The following TUBGCP6 variants were observed in gnomAD, a reference collection of about 807,000 sequenced individuals.
TUBGCP6 encodes gamma-tubulin complex component 6.
TUBGCP6 carries 161 observed loss-of-function variants against 175.8 expected under a neutral mutation model. The ratio of observed to expected loss-of-function variants is 0.92; its 90% CI spans 0.81 to 1.04. TUBGCP6 has a LOEUF of 1.04. Among genes scored for constraint, TUBGCP6 ranks in the 50% least tolerant of loss-of-function variants. The probability of loss-of-function intolerance (pLI) is 0.00; values close to 1 mark genes in which losing one functional copy is unlikely to be tolerated. For synonymous variants in TUBGCP6, 1,173 were observed against 1,030.5 expected, an observed-to-expected ratio of 1.14 and a Z score of -2.65; for missense variants, 2,572 against 2,433.0, an observed-to-expected ratio of 1.06 and a Z score of -1.20.
At chr22:50,221,928 G>A (rs561043004) in intron 15 of TUBGCP6, 54 bp from the exon 16 acceptor site, 12 of 1,561,616 alleles carry the variant, frequency 7.7e-6, no homozygotes, top group Admixed American at 3.6e-5. Context: ...CCCAGCCCTC[G>A]AACTGTCCCC....
chr22:50,239,756 G>C (rs761993119), intron 2 of TUBGCP6, among the ~76,000 whole-genome samples: 27 of 152,152 alleles, frequency 1.8e-4, no homozygotes, highest in Non-Finnish European at 3.5e-4. Context: ...AATGGAAAAG[G>C]CTCCTTCATC....
Position 50,222,362 on chromosome 22 carries a change from T to G in TUBGCP6, c.2409+92A>C, listed in dbSNP as rs543091312. 3 of 1,559,372 alleles carry G rather than the reference T, an allele frequency of 1.9e-6. No individual in the cohort carries two copies. The East Asian group carries it at 6.8e-5, about 35-fold the overall frequency. On this transcript the variant is annotated intron_variant, in intron 14 of 24. Transcript: ENST00000248846. ...AACGCGAAAGCCACCAGCCCTCTCC[T>G]AGAAGAGCATGTAGGTTTGTGTGCA...
In TUBGCP6 at chr22:50,221,591, T is replaced by A. The variant is rs2064524593; in HGVS notation, c.2768A>T (p.Gln923Leu). ...GGGGGGCAGGTCCAAGTTAATGGTC[T>A]GCAGCGCCACCTCCAGGAGAGGGAC... ...GMVPLLEVAL[Q>L]TINLDLPPSA... Residue 923 changes from glutamine to leucine, a missense_variant, in exon 16 of 25, where the codon CAG (glutamine) becomes CTG (leucine). Physicochemically the swap from Gln to Leu is moderately radical, Grantham distance 113. Transcript: ENST00000248846. The A allele has an allele frequency of 6.4e-7, 1 of 1,571,078 alleles. No individual in the cohort carries two copies.
rs771761154 is a variant in TUBGCP6, at chr22:50,219,761, G to A, written c.4198C>T (p.Arg1400Cys). ...GCCGATGCCTCCGCCTCCTCACCAC[G>A]GCCTGGGCTGCTCTGGGCAGCTGTG... ...EDTAAQSSPG[R>C]GEEAEASAAE... is the part of the protein sequence containing the mutation. The change falls in exon 18 of 25, where the codon CGT becomes TGT. Residue 1400 changes from arginine to cysteine, a missense_variant. Transcript: ENST00000248846. 13 of 1,613,558 alleles carry A rather than the reference G, an allele frequency of 8.1e-6. No homozygotes were observed. The East Asian group carries it at 1.1e-4, about 14-fold the overall frequency.
Position 50,218,786 on chromosome 22 carries a change from G to T in TUBGCP6, c.4738C>A (p.Leu1580Ile). 1 of 1,614,122 alleles carries T rather than the reference G, an allele frequency of 6.2e-7. No homozygotes were observed. Among genetic ancestry groups the T allele is most frequent in the Non-Finnish European group, 8.5e-7 (1 of 1,180,010 alleles). ...GGCAGGTACTTGAGAGCGAGGGAGAGGTTGGAGGCGTGCGGGGTGTCCCCA... is the reference window on the plus strand; with the variant it reads ...GGCAGGTACTTGAGAGCGAGGGAGATGTTGGAGGCGTGCGGGGTGTCCCCA... The part of the protein sequence containing the change: ...LHGDTPHASN[L>I]SLALKYLPEV... Residue 1580 changes from leucine to isoleucine, a missense_variant, in exon 21 of 25, where the codon CTC (leucine) becomes ATC (isoleucine). By Grantham distance (5) the Leu-to-Ile change is conservative. Coordinates refer to ENST00000248846, the MANE Select transcript of TUBGCP6 (RefSeq NM_020461.4).
At chr22:50,243,363 G>A (rs2064864376) in intron 1 of TUBGCP6, among the ~76,000 whole-genome samples, 1 of 151,738 alleles carries the variant, frequency 6.6e-6, no homozygotes, top group Non-Finnish European at 1.5e-5. Flanking sequence ...TGAGGTAGGA[G>A]AATCACTTGA....
chr22:50,228,846 C>G (rs941134707), intron 4 of TUBGCP6, among the ~76,000 whole-genome samples: 7 of 152,128 alleles, frequency 4.6e-5, no homozygotes, highest in African/African-American at 1.7e-4. Flanking sequence ...GGCTCTCTGC[C>G]CACCTTCCCC....
intron 2 of TUBGCP6, among the ~76,000 whole-genome samples, chr22:50,239,744 T>G (rs1245644361): frequency 1.1e-4 from 17 of 152,182 alleles, no homozygotes; most frequent in Admixed American, 1.1e-3. Flanking sequence ...CCTCTAGACA[T>G]GAATGGAAAA....
At position 50,218,010 on chromosome 22, in the gene TUBGCP6, G is replaced by C. The variant is rs112569564; in HGVS notation, c.5276C>G (p.Pro1759Arg). 2.5e-5 allele frequency: 41 copies of C among 1,612,206 alleles called. No homozygotes were observed. Among genetic ancestry groups the C allele is most frequent in the African/African-American group, 9.3e-5 (7 of 74,964 alleles). ...GTGCTCTGCACCCCGCGGGCCCCCAGGGGGCCCCCAGGCCTGGGAGATGAG... is the reference window on the plus strand; with the variant it reads ...GTGCTCTGCACCCCGCGGGCCCCCACGGGGCCCCCAGGCCTGGGAGATGAG... ...SQLISQAWGP[P>R]GGPRGAEHPN... The change falls in exon 24 of 25, where the codon CCT becomes CGT. Residue 1759 changes from proline (P) to arginine (R), a missense_variant. Physicochemically the swap from Pro to Arg is moderately radical, Grantham distance 103 (BLOSUM62 -2). Transcript: ENST00000248846.
chr22:50,240,429 G>A (rs368254649), intron 1 of TUBGCP6, 62 bp from the exon 2 acceptor site: 33 of 1,591,010 alleles, frequency 2.1e-5, no homozygotes, highest in East Asian at 9.0e-5. Flanking sequence ...ATCCAAGGGC[G>A]ATGAGAATTT....
chr22:50,220,215 A>G (rs553402845), intron 16 of TUBGCP6, 36 bp downstream of exon 16: 8 of 1,545,758 alleles, frequency 5.2e-6, no homozygotes, highest in Non-Finnish European at 7.0e-6. Context: ...TGCGTCCCAC[A>G]GTCCCACTCC....
In TUBGCP6 at chr22:50,233,212, A is replaced by G; in HGVS notation, c.1116+104T>C. 3 of 1,360,780 alleles carry G rather than the reference A, an allele frequency of 2.2e-6. No individual in the cohort carries two copies. The South Asian group carries it at 4.1e-5, about 19-fold the overall frequency. The allele number at this position is 1,360,780 out of a possible 1,614,324, so 84.3% of individuals were successfully genotyped here. A position where few individuals can be genotyped will look rare whatever the true frequency, so the allele number is the denominator to read the frequency against. The stretch of plus-strand genomic sequence containing the variant: ...GAGCTGGCCTTCCCTGCCACTCCCC[A>G]CTCCCTGCACTGGGGCTTGTTCTGC... On this transcript the variant is annotated intron_variant, in intron 3 of 24. Coordinates refer to ENST00000248846, the MANE Select transcript of TUBGCP6 (RefSeq NM_020461.4).
rs754602743 is a variant in TUBGCP6, at chr22:50,227,060, C to A, written c.1430G>T (p.Cys477Phe). 5 of 1,611,692 alleles carry A rather than the reference C, an allele frequency of 3.1e-6. No homozygotes were observed. The highest frequency in any genetic ancestry group is 2.2e-5 in the East Asian group (1 of 44,844). The change falls in exon 6 of 25, where the codon TGT (cysteine) becomes TTT (phenylalanine). Residue 477 changes from cysteine to phenylalanine, a missense_variant. Transcript: ENST00000248846. ...GCCCGGGAGCACAGCGCCAACGCCA[C>A]AGAGCTCGGCCAGGTACCTAGACCC... The part of the protein sequence containing the change: ...GRQLRYLAEL[C>F]GVGAVLPGTC...
intron 2 of TUBGCP6, among the ~76,000 whole-genome samples, chr22:50,237,853 T>G (rs2064795257): frequency 6.6e-6 from 1 of 152,202 alleles, no homozygotes; most frequent in Admixed American, 6.5e-5. Flanking sequence ...GCCAGCACGG[T>G]GGCTCATGCC....
rs1470392146 is a variant in TUBGCP6 at position 50,220,472 on chromosome 22, C to G, written c.3887G>C (p.Ser1296Thr). 1.2e-6 allele frequency: 2 copies of G among 1,613,154 alleles called. No homozygotes were observed. The highest frequency in any genetic ancestry group is 1.1e-5 in the South Asian group (1 of 91,060). The change falls in exon 16 of 25, where the codon AGC becomes ACC. Residue 1296 changes from serine (S) to threonine (T), a missense_variant. Physicochemically the swap from Ser to Thr is moderately conservative, Grantham distance 58 (BLOSUM62 1). Transcript: ENST00000248846. ...TGACTGGGACGTGTGGCCAGGGGGG[C>G]TCTGTTGGGGCCTGGGTGTGTTGGG... The part of the protein sequence containing the change: ...AEPNTPRPQQ[S>T]PPGHTSQSAL...
Position 50,219,410 on chromosome 22 carries a change from G to A in TUBGCP6, c.4362C>T (p.Ala1454=), listed in dbSNP as rs1358891642. Residue 1454 remains alanine, a synonymous_variant, in exon 19 of 25, where the codon GCC becomes GCT. Transcript: ENST00000248846. The stretch of plus-strand genomic sequence containing the variant: ...CCTGGGGGTCCACGGGGAAGGCGAA[G>A]GCCCGGGGAAGCACGGGGCGCAAAA... ...AHLLRPVLPR[A]FAFPVDPQVQ... 3 of 1,571,268 alleles carry A rather than the reference G, an allele frequency of 1.9e-6. No individual in the cohort carries two copies. Among genetic ancestry groups the A allele is most frequent in the South Asian group, 1.2e-5 (1 of 86,466 alleles).
chr22:50,242,565 T>C (rs1216495851), intron 1 of TUBGCP6, among the ~76,000 whole-genome samples: 2 of 152,226 alleles, frequency 1.3e-5, no homozygotes, highest in Non-Finnish European at 2.9e-5. Flanking sequence ...CTAAATCATC[T>C]AGCTATCGCA....
rs761960582 is a variant in TUBGCP6 at position 50,218,014 on chromosome 22, G to C, written c.5272C>G (p.Pro1758Ala). The part of the protein sequence containing the change: ...RSQLISQAWG[P>A]PGGPRGAEHP... ...TCTGCACCCCGCGGGCCCCCAGGGGGCCCCCAGGCCTGGGAGATGAGCTGG... is the reference window on the plus strand; with the variant it reads ...TCTGCACCCCGCGGGCCCCCAGGGGCCCCCCAGGCCTGGGAGATGAGCTGG... Residue 1758 changes from proline (P) to alanine (A), a missense_variant, in exon 24 of 25, where the codon CCC becomes GCC. Transcript: ENST00000248846. 6.2e-7 allele frequency: 1 copy of C among 1,612,658 alleles called. No individual in the cohort carries two copies. Among genetic ancestry groups the C allele is most frequent in the Admixed American group, 1.7e-5 (1 of 59,858 alleles).
At position 50,244,549 on chromosome 22, in the gene TUBGCP6, T is replaced by C; in HGVS notation, c.-90A>G. 1 of 1,461,704 alleles carries C rather than the reference T, an allele frequency of 6.8e-7. No individual in the cohort carries two copies. The highest frequency in any genetic ancestry group is 9.0e-7 in the Non-Finnish European group (1 of 1,113,318). The allele number at this position is 1,461,704 out of a possible 1,614,324, so 90.5% of individuals were successfully genotyped here. On this transcript the variant is annotated 5_prime_UTR_variant, in exon 1 of 25. Transcript: ENST00000248846. ...CCGGAAGACAGGGAGTGAGAGAGGG[T>C]CCGAAGAGGCTGAATGACAGGCGGC... is the stretch of plus-strand genomic sequence containing the variant.
Sources: gnomAD v4.1 joint callset for allele counts (sites outside exome capture counted in the v4.1 genomes callset) on GRCh38, gnomAD v4.1.1 for gene constraint, MANE v1.5 for transcripts, NCBI Gene and HGNC (gene_info 2026-07-23, HGNC 2026-07-21) for gene names.